The following SKI variants were observed in gnomAD, a reference collection of about 807,000 sequenced individuals.
SKI encodes ski oncogene.
Under a neutral mutation model 59.3 loss-of-function variants are expected in SKI, and 23 were observed. The observed-to-expected ratio is 0.39, with a 90% CI of 0.28 to 0.55. The LOEUF is 0.55. Among genes scored for constraint, SKI ranks in the 20% least tolerant of loss-of-function variants. The pLI, the probability that SKI is intolerant of heterozygous loss-of-function variation, is 0.67. For synonymous variants in SKI, 673 were observed against 488.6 expected, an observed-to-expected ratio of 1.38 and a Z score of -4.98; for missense variants, 1,017 against 1,038.9, an observed-to-expected ratio of 0.98 and a Z score of 0.29.
chr1:2,303,450 G>GT lies in SKI; in HGVS notation c.1211+50_1211+51insT. On this transcript the variant is annotated intron_variant, in intron 3 of 6. Coordinates refer to ENST00000378536, the MANE Select transcript of SKI (RefSeq NM_003036.4). The surrounding 1 kb of genome is among the most constrained non-coding windows in gnomAD (Gnocchi z 5.6). ...TTTCTGATCACGGGGGAGGCTCCAC[G>GT]AGGGCTGTGCATGCGGACGCGCCCA... 1 of 1,519,248 alleles carries GT rather than the reference G, an allele frequency of 6.6e-7. No individual in the cohort carries two copies. The highest frequency in any genetic ancestry group is 9.1e-7 in the Non-Finnish European group (1 of 1,099,486). The allele number at this position is 1,519,248 out of a possible 1,614,324, so 94.1% of individuals were successfully genotyped here. A position where few individuals can be genotyped will look rare whatever the true frequency, so the allele number is the denominator to read the frequency against.
chr1:2,260,979 T>C (rs915211559), intron 1 of SKI, among the ~76,000 whole-genome samples: 3 of 152,244 alleles, frequency 2.0e-5, no homozygotes, highest in Non-Finnish European at 2.9e-5. Flanking sequence ...CATTTTGAGT[T>C]AATTTTTGTG....
chr1:2,308,353 A>G lies in SKI; in HGVS notation c.*1588A>G, dbSNP rs564832872. ...GCGGGGTTTTGCCCTTGGTTTACTG[A>G]GGGGGGTCTTGGTTGCTGCTGAAGC... On this transcript the variant is annotated 3_prime_UTR_variant, in exon 7 of 7. Coordinates refer to ENST00000378536, the MANE Select transcript of SKI (RefSeq NM_003036.4). The G allele has an allele frequency of 6.6e-6, 1 of 152,186 alleles. No individual in the cohort carries two copies. Among genetic ancestry groups the G allele is most frequent in the Non-Finnish European group, 1.5e-5 (1 of 68,040 alleles). The allele number at this position is 152,186 out of a possible 1,614,324, so 9.4% of individuals were successfully genotyped here.
Position 2,309,862 on chromosome 1 carries a change from C to A in SKI, c.*3097C>A, listed in dbSNP as rs1333651014. ...CCTCCCTGTGGGTCCGAACCCCGGCCCCCCCACCCCTCCCTCAGCCCACCA... is the reference window on the plus strand; with the variant it reads ...CCTCCCTGTGGGTCCGAACCCCGGCACCCCCACCCCTCCCTCAGCCCACCA... On this transcript the variant is annotated 3_prime_UTR_variant, in exon 7 of 7. Coordinates refer to ENST00000378536, the MANE Select transcript of SKI (RefSeq NM_003036.4). 9.5e-6 allele frequency: 1 copy of A among 104,788 alleles called. No individual in the cohort carries two copies. Among genetic ancestry groups the A allele is most frequent in the African/African-American group, 3.9e-5 (1 of 25,592 alleles). 6.5% of individuals were successfully genotyped at this position (104,788 alleles called of 1,614,324 possible).
intron 1 of SKI, among the ~76,000 whole-genome samples, chr1:2,260,761 G>A (rs74976861): frequency 6.6e-6 from 1 of 151,804 alleles, no homozygotes; most frequent in Non-Finnish European, 1.5e-5. Flanking sequence ...GGCTGGTTGC[G>A]AACTCTAGCT....
In SKI at chr1:2,303,033, A is replaced by T. The variant is rs377336741; in HGVS notation, c.1025A>T (p.Gln342Leu). 272 of 1,613,730 alleles carry T rather than the reference A, an allele frequency of 1.7e-4. 5 individuals are homozygous for T. The South Asian group carries it at 2.8e-3, about 16-fold the overall frequency. Residue 342 changes from glutamine (Q) to leucine (L), a missense_variant, in exon 2 of 7, where the codon CAG becomes CTG. Coordinates refer to ENST00000378536, the MANE Select transcript of SKI (RefSeq NM_003036.4). This position sits in a 1 kb window ranked among gnomAD's most constrained non-coding sequence, Gnocchi z 5.6. ...CCCAAAACAGATGACACCTCTTCCC[A>T]GTCCCCCGCGCCTTCCGAAAAGGAC... Reference protein sequence around the residue: ...IRPKTDDTSSQSPAPSEKDKP... With the variant: ...IRPKTDDTSSLSPAPSEKDKP...
chr1:2,236,467 C>T (rs547522357), intron 1 of SKI, among the ~76,000 whole-genome samples: 7 of 151,896 alleles, frequency 4.6e-5, no homozygotes, highest in East Asian at 1.9e-4. Context: ...AGTGCAGTGG[C>T]GTGATCTCGG....
At chr1:2,250,688 G>A (rs1639125787) in intron 1 of SKI, among the ~76,000 whole-genome samples, 1 of 152,236 alleles carries the variant, frequency 6.6e-6, no homozygotes, top group Non-Finnish European at 1.5e-5. Context: ...GTGTGTGACC[G>A]TGACACGGTG....
intron 1 of SKI, among the ~76,000 whole-genome samples, chr1:2,289,997 C>T (rs377082231): frequency 6.6e-6 from 1 of 152,188 alleles, no homozygotes; most frequent in East Asian, 1.9e-4. Flanking sequence ...TCCTTGGAGT[C>T]TTTCCTCAAG....
rs567012779 is a variant in SKI, at chr1:2,229,832, C to T, written c.969+97C>T. On this transcript the variant is annotated intron_variant, in intron 1 of 6. Transcript: ENST00000378536. This position sits in a 1 kb window ranked among gnomAD's most constrained non-coding sequence, Gnocchi z 6.3. ...TGGTCTCCGAAGGCTGGGACCTGTGCTTCTGCCGTGCCCCATGTCTCCAGT... is the reference window on the plus strand; with the variant it reads ...TGGTCTCCGAAGGCTGGGACCTGTGTTTCTGCCGTGCCCCATGTCTCCAGT... The T allele has an allele frequency of 1.4e-4, 218 of 1,537,714 alleles. No individual in the cohort carries two copies. In the African/African-American group the frequency reaches 1.9e-3, roughly 13 times the overall value.
In SKI at chr1:2,268,061, TC is replaced by T. The variant is rs1179979885; in HGVS notation, c.970-34914del. ...AGCAGGTTCCCACAGGCCAGGGCAC[TC>T]CCAACAGCACTGCGTGGAGCTGGTG... is the stretch of plus-strand genomic sequence containing the variant. On this transcript the variant is annotated intron_variant, in intron 1 of 6. Transcript: ENST00000378536. This position sits in a 1 kb window ranked among gnomAD's most constrained non-coding sequence, Gnocchi z 5.0. Among the ~76,000 whole-genome samples the T allele has an allele frequency of 2.0e-5, 3 of 152,136 alleles. No homozygotes were observed. Among genetic ancestry groups the T allele is most frequent in the African/African-American group, 7.2e-5 (3 of 41,438 alleles).
intron 1 of SKI, among the ~76,000 whole-genome samples, chr1:2,296,796 C>G (rs1640297333): frequency 6.6e-6 from 1 of 152,156 alleles, no homozygotes; most frequent in African/African-American, 2.4e-5. Context: ...GGAAGCACTT[C>G]TGCGGGGGCG....
intron 1 of SKI, among the ~76,000 whole-genome samples, chr1:2,264,860 G>A (rs1320721840): frequency 6.6e-6 from 1 of 151,776 alleles, no homozygotes; most frequent in African/African-American, 2.4e-5. Flanking sequence ...CACCCAGGCT[G>A]AAGTGCAGTG....
chr1:2,289,018 G>C (rs902886327), intron 1 of SKI, among the ~76,000 whole-genome samples: 1 of 152,228 alleles, frequency 6.6e-6, no homozygotes, highest in Admixed American at 6.5e-5. Context: ...GCATGCACCT[G>C]TCACTGAGCT....
rs1303148358 is a variant in SKI at position 2,301,131 on chromosome 1, G to T, written c.970-1847G>T. ...CTTAGACAGGAAGCTCCACCCAGCC[G>T]GGCGTCCTCGGCCTTCTGTGCCTCT... is the stretch of plus-strand genomic sequence containing the variant. On this transcript the variant is annotated intron_variant, in intron 1 of 6. Coordinates refer to ENST00000378536, the MANE Select transcript of SKI (RefSeq NM_003036.4). Among the ~76,000 whole-genome samples the T allele has an allele frequency of 2.6e-5, 4 of 152,110 alleles. No homozygotes were observed. In the South Asian group the frequency reaches 6.2e-4, roughly 24 times the overall value.
chr1:2,284,973 G>T (rs1640005502), intron 1 of SKI, among the ~76,000 whole-genome samples: 1 of 152,188 alleles, frequency 6.6e-6, no homozygotes, highest in Non-Finnish European at 1.5e-5. Context: ...GTTTTATTTT[G>T]TAAATTAACA....
intron 1 of SKI, among the ~76,000 whole-genome samples, chr1:2,244,573 CTG>C (rs960774521): frequency 2.6e-5 from 4 of 152,084 alleles, no homozygotes; most frequent in Admixed American, 6.5e-5. Context: ...GAGCGAGACT[CTG>C]TCTCAAAAAA....
At chr1:2,256,563 C>T (rs1639279474) in intron 1 of SKI, among the ~76,000 whole-genome samples, 1 of 152,220 alleles carries the variant, frequency 6.6e-6, no homozygotes, top group South Asian at 2.1e-4. Flanking sequence ...CTGGGTTCAT[C>T]CTTACCTGAG....
intron 1 of SKI, among the ~76,000 whole-genome samples, chr1:2,272,770 C>T (rs1236169512): frequency 1.3e-5 from 2 of 152,216 alleles, no homozygotes; most frequent in Non-Finnish European, 2.9e-5. Flanking sequence ...CCCGTCTCCC[C>T]TGCCCCGGCC....
chr1:2,249,528 T>C (rs1189953798), intron 1 of SKI, among the ~76,000 whole-genome samples: 2 of 152,336 alleles, frequency 1.3e-5, no homozygotes, highest in South Asian at 2.1e-4. Flanking sequence ...CTGAGTGGGC[T>C]GAAACCGACC....
Sources: gnomAD v4.1 joint callset for allele counts (sites outside exome capture counted in the v4.1 genomes callset) on GRCh38, gnomAD v4.1.1 for gene constraint, Gnocchi (gnomAD v3.1) non-coding constraint, MANE v1.5 for transcripts, NCBI Gene and HGNC (gene_info 2026-07-23, HGNC 2026-07-21) for gene names.